Variants in KCNH1 observed in about 807,000 individuals in gnomAD.
The protein encoded by KCNH1 is voltage-gated delayed rectifier potassium channel KCNH1.
Under a neutral mutation model 69.2 loss-of-function variants are expected in KCNH1, and 27 were observed. The observed-to-expected ratio is 0.39, with a 90% CI of 0.29 to 0.54. The LOEUF is 0.54. KCNH1 is among the 20% of genes least tolerant of loss of function. The pLI is 0.68. For synonymous variants in KCNH1, 456 were observed against 487.7 expected (o/e 0.93, Z 0.86); for missense variants, 798 against 1,261.6 (o/e 0.63, Z 5.57).
chr1:210,758,133 C>T (rs1002866121), intron 10 of KCNH1, among the ~76,000 whole-genome samples: 1 of 152,262 alleles, frequency 6.6e-6, no homozygotes, highest in East Asian at 1.9e-4. Flanking sequence ...CTGAGAGGGG[C>T]CCTACCTGCT....
At position 210,869,276 on chromosome 1, in the gene KCNH1, C is replaced by T. The variant is rs114801162; in HGVS notation, c.1462+50364G>A. ...GTTTATCCTTCTTGGAGTTGTTGAC[C>T]TGCTTGGATCTATGAGTTTATAATT... On this transcript the variant is annotated intron_variant, in intron 7 of 10. Transcript: ENST00000271751. Among the ~76,000 whole-genome samples the T allele has an allele frequency of 9.7e-3, 1,472 of 152,002 alleles. 27 individuals are homozygous for T. The highest frequency in any genetic ancestry group is 0.034 in the African/African-American group (1,412 of 41,474).
intron 6 of KCNH1, among the ~76,000 whole-genome samples, chr1:210,991,866 T>G (rs965900049): frequency 6.6e-6 from 1 of 152,200 alleles, no homozygotes; most frequent in African/African-American, 2.4e-5. Flanking sequence ...AGAGCTGGCT[T>G]TAATGTAAAA....
At chr1:210,801,510 C>G (rs1684425681) in intron 8 of KCNH1, among the ~76,000 whole-genome samples, 1 of 152,202 alleles carries the variant, frequency 6.6e-6, no homozygotes, top group Non-Finnish European at 1.5e-5. Context: ...GGGCAAATCC[C>G]AAAGCCCTCC....
At chr1:210,750,515 A>G (rs1481944461) in intron 10 of KCNH1, among the ~76,000 whole-genome samples, 1 of 152,190 alleles carries the variant, frequency 6.6e-6, no homozygotes, top group Non-Finnish European at 1.5e-5. Context: ...AACTGAGCCC[A>G]GGACAAGGTT....
rs1341167800 is a variant in KCNH1 at position 211,108,404 on chromosome 1, G to GTC, written c.80-1028_80-1027insGA. ...GTATTATGTGTGTCTGTGTGTGTGT[G>GTC]TGTGTGTATACACATACTACATAGA... On this transcript the variant is annotated intron_variant, in intron 1 of 10. Coordinates refer to ENST00000271751, the MANE Select transcript of KCNH1 (RefSeq NM_172362.3). The GTC allele has an allele frequency of 9.2e-5, 14 of 151,684 alleles. 1 individual carries two copies. The South Asian group carries it at 1.0e-3, about 11-fold the overall frequency. The allele number at this position is 151,684 out of a possible 1,614,324, so 9.4% of individuals were successfully genotyped here.
At chr1:210,907,807 C>T (rs1429888389) in intron 7 of KCNH1, among the ~76,000 whole-genome samples, 1 of 152,174 alleles carries the variant, frequency 6.6e-6, no homozygotes, top group African/African-American at 2.4e-5. Context: ...GGAAGGAGAG[C>T]AGATGCTACC....
At chr1:211,036,257 G>C (rs1689894946) in intron 5 of KCNH1, among the ~76,000 whole-genome samples, 1 of 152,092 alleles carries the variant, frequency 6.6e-6, no homozygotes, top group Admixed American at 6.5e-5. Flanking sequence ...TGGGTGAGAG[G>C]TCTGGCAACT....
chr1:210,716,348 C>T (rs1323854517), intron 10 of KCNH1, among the ~76,000 whole-genome samples: 1 of 148,366 alleles, frequency 6.7e-6, no homozygotes, highest in Non-Finnish European at 1.5e-5. Flanking sequence ...AGGAGAATCA[C>T]TTGAACCCAG....
chr1:211,053,249 C>G (rs1385529208), intron 5 of KCNH1, among the ~76,000 whole-genome samples: 2 of 152,170 alleles, frequency 1.3e-5, no homozygotes, highest in Non-Finnish European at 2.9e-5. Context: ...TTCATAAGAG[C>G]ATGAGTGTTT....
At chr1:210,846,461 G>C (rs1204234786) in intron 7 of KCNH1, among the ~76,000 whole-genome samples, 7 of 151,920 alleles carry the variant, frequency 4.6e-5, no homozygotes, top group Admixed American at 6.6e-5. Context: ...ACAAACCTGA[G>C]AAAAACAAGC....
chr1:211,045,833 C>G (rs999189626), intron 5 of KCNH1, among the ~76,000 whole-genome samples: 21 of 152,140 alleles, frequency 1.4e-4, no homozygotes, highest in African/African-American at 5.1e-4. Context: ...ACTAATATCT[C>G]CCTGTTTTGC....
intron 7 of KCNH1, among the ~76,000 whole-genome samples, chr1:210,849,470 G>A (rs560429731): frequency 4.0e-5 from 6 of 149,840 alleles, no homozygotes; most frequent in South Asian, 2.1e-4. Context: ...GGGTTCAAGC[G>A]ATTCTCATGC....
At chr1:210,795,297 C>T (rs1174606940) in intron 9 of KCNH1, among the ~76,000 whole-genome samples, 2 of 152,094 alleles carry the variant, frequency 1.3e-5, no homozygotes, top group Admixed American at 1.3e-4. Flanking sequence ...CAAGCATATA[C>T]CACCATGCCC....
chr1:211,072,979 A>G (rs1690674365), intron 5 of KCNH1, among the ~76,000 whole-genome samples: 1 of 152,240 alleles, frequency 6.6e-6, no homozygotes, highest in South Asian at 2.1e-4. Flanking sequence ...TCGTCTACAG[A>G]AAGTCACTTT....
At chr1:210,935,171 G>A (rs1439881856) in intron 6 of KCNH1, among the ~76,000 whole-genome samples, 3 of 123,756 alleles carry the variant, frequency 2.4e-5, no homozygotes, top group Admixed American at 8.8e-5. Context: ...CACACGAATA[G>A]TATTCAGCCA....
At chr1:211,125,227 A>C (rs889122484) in intron 1 of KCNH1, among the ~76,000 whole-genome samples, 17 of 152,218 alleles carry the variant, frequency 1.1e-4, no homozygotes, top group Non-Finnish European at 2.2e-4. Context: ...CAAAAGCCAG[A>C]AAGCAAGGGA....
At chr1:211,095,220 T>C (rs552350453) in intron 3 of KCNH1, among the ~76,000 whole-genome samples, 2 of 152,182 alleles carry the variant, frequency 1.3e-5, no homozygotes, top group Admixed American at 6.5e-5. Context: ...GTGCCTACTA[T>C]GGAAAAACTG....
chr1:210,986,131 G>T, intron 6 of KCNH1, among the ~76,000 whole-genome samples: 1 of 152,004 alleles, frequency 6.6e-6, no homozygotes, highest in South Asian at 2.1e-4. Context: ...TTCTCCATTT[G>T]CTTAGTAGAT....
intron 6 of KCNH1, among the ~76,000 whole-genome samples, chr1:210,921,957 C>T (rs1359392099): frequency 6.6e-6 from 1 of 152,114 alleles, no homozygotes; most frequent in East Asian, 1.9e-4. Context: ...ATACGGAGCC[C>T]CTCTGTCATG....
Sources: allele counts gnomAD v4.1 joint callset (sites outside exome capture counted in the v4.1 genomes callset), GRCh38; gene constraint gnomAD v4.1.1; transcripts MANE v1.5; gene names NCBI Gene and HGNC (gene_info 2026-07-23, HGNC 2026-07-21).